Variants in RNASE11 observed in about 807,000 individuals in gnomAD.
RNASE11 encodes ribonuclease A family member 11 (inactive).
For missense variants in RNASE11, 252 were observed against 237.8 expected (o/e 1.06, Z -0.39); for synonymous variants, 105 against 86.1 (o/e 1.22, Z -1.21).
At chr14:20,587,664 A>G in exon 1 of RNASE11, 1 of 985,406 alleles carries the variant, frequency 1.0e-6, no homozygotes, top group African/African-American at 1.7e-5. Flanking sequence ...ACCACAGAGA[A>G]CTAGAAAATG....
At chr14:20,583,008 A>C (rs1344144064), downstream of RNASE11, 2 of 152,240 alleles carry the variant, frequency 1.3e-5, no homozygotes, top group African/African-American at 4.8e-5. Flanking sequence ...TCGATGAAGA[A>C]GATAACTGTC....
chr14:20,584,521 G>C (rs1884392279), intron 1 of RNASE11, 25 bp from the exon 3 acceptor site: 10 of 1,508,906 alleles, frequency 6.6e-6, no homozygotes, highest in Non-Finnish European at 8.0e-6. Flanking sequence ...ATAAATGAAA[G>C]ATAAAATAAG....
chr14:20,584,391 T>C (rs747284506), exon 2 of RNASE11: 2 of 1,614,146 alleles, frequency 1.2e-6, no homozygotes, highest in Admixed American at 1.7e-5. Flanking sequence ...CTGTAAATTC[T>C]TCTTTAATTA....
rs1354041594 is a variant in RNASE11 at position 20,584,444 on chromosome 14, G to C, written c.31C>G (p.Leu11Val). 3 of 1,608,318 alleles carry C rather than the reference G, an allele frequency of 1.9e-6. No homozygotes were observed. The East Asian group carries it at 6.7e-5, about 36-fold the overall frequency. ...GATGCTTCTGCAAGAACCAGGCCCA[G>C]GCTGAGCAGCAGCAGAGGAAAGGTC... is the stretch of plus-strand genomic sequence containing the variant. The change falls in exon 2 of 2, where the codon CTG (leucine) becomes GTG (valine). Residue 11 changes from leucine to valine, a missense_variant. Coordinates refer to ENST00000553849, the Ensembl canonical transcript of RNASE11.
chr14:20,583,486 AT>A (rs1884353328), downstream of RNASE11: 1 of 189,956 alleles, frequency 5.3e-6, no homozygotes, highest in Non-Finnish European at 1.1e-5. Context: ...CTCATTCACT[AT>A]TTTTCTGAAT....
chr14:20,588,867 A>G (rs1884493940), upstream of RNASE11, among the ~76,000 whole-genome samples: 1 of 151,930 alleles, frequency 6.6e-6, no homozygotes, highest in African/African-American at 2.4e-5. Context: ...GCTCACTGCA[A>G]CCTCCACCTC....
intron 1 of RNASE11, among the ~76,000 whole-genome samples, chr14:20,586,451 A>G (rs1226850205): frequency 6.6e-6 from 1 of 152,228 alleles, no homozygotes; most frequent in Non-Finnish European, 1.5e-5. Flanking sequence ...TTAAAAAATT[A>G]TATTTGAATT....
chr14:20,586,999 A>G lies in RNASE11; in HGVS notation c.-23+564T>C, dbSNP rs145672556. Reference sequence around the variant, plus strand: ...AATCCATCTCTACAACAACAACAACAACAAAAAGCCAGTTGTGGTGGCATA... The same window carrying G: ...AATCCATCTCTACAACAACAACAACGACAAAAAGCCAGTTGTGGTGGCATA... On this transcript the variant is annotated intron_variant, in intron 1 of 1. Coordinates refer to ENST00000553849, the Ensembl canonical transcript of RNASE11. Among the ~76,000 whole-genome samples, 229 of 152,188 alleles carry G rather than the reference A, an allele frequency of 1.5e-3. 2 individuals carry two copies. Among genetic ancestry groups the G allele is most frequent in the African/African-American group, 5.4e-3 (223 of 41,524 alleles).
At chr14:20,584,523 T>C (rs1304275682) in intron 1 of RNASE11, 27 bp from the exon 3 acceptor site, 16 of 1,510,326 alleles carry the variant, frequency 1.1e-5, no homozygotes, top group Non-Finnish European at 1.4e-5. Flanking sequence ...AAATGAAAGA[T>C]AAAATAAGAA....
At chr14:20,585,891 C>G (rs1884424698) in intron 1 of RNASE11, among the ~76,000 whole-genome samples, 1 of 152,158 alleles carries the variant, frequency 6.6e-6, no homozygotes, top group Admixed American at 6.5e-5. Flanking sequence ...AATTATTTCT[C>G]TCTCTTTAGA....
At chr14:20,583,951 G>A (rs2138882455) in exon 2 of RNASE11, 2 of 1,614,158 alleles carry the variant, frequency 1.2e-6, no homozygotes, top group Non-Finnish European at 1.7e-6. Context: ...CTCTAATGAG[G>A]TAACACTATG....
intron 1 of RNASE11, among the ~76,000 whole-genome samples, chr14:20,585,779 A>G (rs746287008): frequency 1.3e-5 from 2 of 152,216 alleles, no homozygotes; most frequent in Non-Finnish European, 2.9e-5. Context: ...CTAATTTCTC[A>G]ACACTATTTG....
upstream of RNASE11, among the ~76,000 whole-genome samples, chr14:20,589,131 A>T (rs915103761): frequency 6.7e-6 from 1 of 148,862 alleles, no homozygotes; most frequent in African/African-American, 2.5e-5. Context: ...AACAAATGTT[A>T]AAATTTTAAA....
At chr14:20,584,451 C>T in exon 2 of RNASE11, 2 of 1,603,896 alleles carry the variant, frequency 1.2e-6, no homozygotes, top group Non-Finnish European at 1.7e-6. Context: ...CCAGGCTGAG[C>T]AGCAGCAGAG....
upstream of RNASE11, chr14:20,590,084 A>G (rs901882727): frequency 5.5e-6 from 6 of 1,092,420 alleles, no homozygotes; most frequent in African/African-American, 7.8e-5. Flanking sequence ...TTATGGTTTA[A>G]TTCAGTAAAG....
intron 1 of RNASE11, among the ~76,000 whole-genome samples, chr14:20,586,178 A>G (rs1467527706): frequency 6.6e-6 from 1 of 152,210 alleles, no homozygotes; most frequent in Non-Finnish European, 1.5e-5. Flanking sequence ...TTTATCTCCC[A>G]TTATTTTGCT....
At chr14:20,588,785 ATATT>A (rs1351905423), upstream of RNASE11, among the ~76,000 whole-genome samples, 1 of 152,114 alleles carries the variant, frequency 6.6e-6, no homozygotes, top group Admixed American at 6.6e-5. Context: ...ATTTTAGAAA[ATATT>A]TATTTATTTA....
At chr14:20,586,663 T>C (rs964359612) in intron 1 of RNASE11, among the ~76,000 whole-genome samples, 1 of 152,218 alleles carries the variant, frequency 6.6e-6, no homozygotes, top group Non-Finnish European at 1.5e-5. Flanking sequence ...TTTTGTTTCC[T>C]AAACTTCTAT....
At chr14:20,585,700 T>C (rs1884420469) in intron 1 of RNASE11, among the ~76,000 whole-genome samples, 1 of 152,216 alleles carries the variant, frequency 6.6e-6, no homozygotes, top group Non-Finnish European at 1.5e-5. Context: ...TTCTGAAACA[T>C]GTAATTCAAG....
Sources: allele counts gnomAD v4.1 joint callset (sites outside exome capture counted in the v4.1 genomes callset), GRCh38; gene constraint gnomAD v4.1.1; transcripts MANE v1.5; gene names NCBI Gene and HGNC (gene_info 2026-07-23, HGNC 2026-07-21).